Variants in TOM1 observed in about 807,000 individuals in gnomAD.
The protein encoded by TOM1 is target of Myb protein 1.
Under a neutral mutation model 61.3 loss-of-function variants are expected in TOM1, and 38 were observed. The observed-to-expected ratio is 0.62, with a 90% CI of 0.48 to 0.81. The LOEUF (loss-of-function observed/expected upper bound fraction) is 0.81, where lower values mean the gene tolerates loss of function less well. Ranked by LOEUF, TOM1 falls within the 40% of genes least tolerant of loss-of-function variation. TOM1 has a pLI of 0.00. For synonymous variants in TOM1, 270 were observed against 268.8 expected, an observed-to-expected ratio of 1.00 and a Z score of -0.04; for missense variants, 591 against 659.6, an observed-to-expected ratio of 0.90 and a Z score of 1.14.
chr22:35,305,968 G>A lies in TOM1; in HGVS notation c.52+5988G>A, dbSNP rs565249623. Among the ~76,000 whole-genome samples the A allele has an allele frequency of 2.6e-4, 39 of 152,258 alleles. No homozygotes were observed. The South Asian group carries it at 7.7e-3, about 30-fold the overall frequency. ...CCAGATAGTAAATACTTGTGGCTTC[G>A]TGAACCAGATGGTCTCTGCTGCAAC... On this transcript the variant is annotated intron_variant, in intron 1 of 14. Coordinates refer to ENST00000449058, the MANE Select transcript of TOM1 (RefSeq NM_005488.3).
rs1320870636 is a variant in TOM1 at position 35,338,727 on chromosome 22, C to A, written c.1163C>A (p.Ala388Asp). 1 of 1,592,352 alleles carries A rather than the reference C, an allele frequency of 6.3e-7. No individual in the cohort carries two copies. Residue 388 changes from alanine (A) to aspartate (D), a missense_variant, in exon 12 of 15, where the codon GCC becomes GAC. Coordinates refer to ENST00000449058, the MANE Select transcript of TOM1 (RefSeq NM_005488.3). ...CTCTCTTTCAGGGTAAAATACGAAG[C>A]CCCCCAAGCAACAGACGGCCTGGCT... ...ADQRKEVKYE[A>D]PQATDGLAGA...
At chr22:35,344,986 C>T (rs1321866013) in intron 12 of TOM1, 1 of 152,908 alleles carries the variant, frequency 6.5e-6, no homozygotes, top group Non-Finnish European at 1.5e-5. Context: ...CCAGCTCTTT[C>T]TCACTCTGAA....
chr22:35,315,451 C>G (rs571123711), intron 1 of TOM1, among the ~76,000 whole-genome samples: 1 of 152,286 alleles, frequency 6.6e-6, no homozygotes, highest in East Asian at 1.9e-4. Flanking sequence ...CTTGTTTGGC[C>G]CGCTCTGTTC....
At chr22:35,345,479 A>C in intron 12 of TOM1, 2 of 571,918 alleles carry the variant, frequency 3.5e-6, no homozygotes, top group Non-Finnish European at 3.1e-6. Context: ...TTCAAGGGGA[A>C]GGAGCTCCCT....
chr22:35,330,267 G>C (rs917090588), intron 7 of TOM1, 80 bp from the exon 8 acceptor site: 1 of 1,447,460 alleles, frequency 6.9e-7, no homozygotes, highest in Non-Finnish European at 9.3e-7. Context: ...GGGCGACAGA[G>C]CTCCGTCTCA....
intron 1 of TOM1, among the ~76,000 whole-genome samples, chr22:35,314,376 A>G (rs1490478260): frequency 6.6e-6 from 1 of 151,946 alleles, no homozygotes. Context: ...GGCTCTGCCC[A>G]CTACTGCCTG....
chr22:35,321,924 A>G (rs2145655015), intron 2 of TOM1, 35 bp from the exon 3 acceptor site: 2 of 1,581,500 alleles, frequency 1.3e-6, no homozygotes, highest in South Asian at 1.1e-5. Flanking sequence ...AGGGGGCTCT[A>G]TTCCTAAGCC....
rs550001425 is a variant in TOM1 at position 35,341,454 on chromosome 22, G to A, written c.1224+2666G>A. Among the ~76,000 whole-genome samples, 6 of 152,304 alleles carry A rather than the reference G, an allele frequency of 3.9e-5. No individual in the cohort carries two copies. The South Asian group carries it at 6.2e-4, about 16-fold the overall frequency. On this transcript the variant is annotated intron_variant, in intron 12 of 14. Transcript: ENST00000449058. ...TTAGAGCTGTGAAAAGCCCTAAGGT[G>A]CAAAGGAGAGTGAGTGGAGGTGTGT... is the stretch of plus-strand genomic sequence containing the variant.
intron 11 of TOM1, chr22:35,335,702 A>G (rs1929254185): frequency 6.5e-6 from 1 of 154,918 alleles, no homozygotes; most frequent in Non-Finnish European, 1.5e-5. Flanking sequence ...AAAAGCACAC[A>G]AGGAACTTGT....
intron 11 of TOM1, 92 bp downstream of exon 11, chr22:35,334,540 G>A: frequency 1.3e-6 from 2 of 1,501,606 alleles, no homozygotes; most frequent in Non-Finnish European, 1.8e-6. Flanking sequence ...CATGAGGAAG[G>A]GCACACGGAC....
intron 11 of TOM1, among the ~76,000 whole-genome samples, chr22:35,337,978 C>T (rs1929525029): frequency 6.6e-6 from 1 of 152,204 alleles, no homozygotes; most frequent in African/African-American, 2.4e-5. Flanking sequence ...GCCAGCTTCT[C>T]CTCTCACTCA....
intron 1 of TOM1, among the ~76,000 whole-genome samples, chr22:35,304,289 A>T (rs982161604): frequency 5.9e-5 from 9 of 152,106 alleles, no homozygotes; most frequent in Non-Finnish European, 1.2e-4. Context: ...GGACATGTAC[A>T]TGGGTCTCAC....
At chr22:35,333,342 G>A in intron 9 of TOM1, 62 bp from the exon 10 acceptor site, 2 of 1,487,564 alleles carry the variant, frequency 1.3e-6, no homozygotes, top group Non-Finnish European at 1.9e-6. Context: ...CACAGTGCTT[G>A]GGGCAGAAAG....
intron 11 of TOM1, among the ~76,000 whole-genome samples, chr22:35,337,688 G>T (rs1929493109): frequency 6.6e-6 from 1 of 152,250 alleles, no homozygotes; most frequent in Admixed American, 6.5e-5. Context: ...TGCAGTCCCA[G>T]TTCCTGAAGC....
chr22:35,346,204 G>A (rs1276287280), intron 13 of TOM1, among the ~76,000 whole-genome samples: 1 of 152,234 alleles, frequency 6.6e-6, no homozygotes, highest in East Asian at 1.9e-4. Flanking sequence ...CTAAGGGGAA[G>A]CACCCAGGAG....
intron 1 of TOM1, among the ~76,000 whole-genome samples, chr22:35,301,083 C>A (rs1925732035): frequency 6.6e-6 from 1 of 150,996 alleles, no homozygotes; most frequent in African/African-American, 2.4e-5. Flanking sequence ...AGAAATTAGC[C>A]GGGCGTGGTG....
rs780714554 is a variant in TOM1, at chr22:35,323,012, C to T, written c.217-16C>T. The T allele has an allele frequency of 4.3e-6, 7 of 1,613,542 alleles. No homozygotes were observed. Among genetic ancestry groups the T allele is most frequent in the South Asian group, 1.1e-5 (1 of 91,078 alleles). ...CCTCTGACCAAGGTGCTCGACGGCA[C>T]CTCTCGGCCCTCCAGGTCTTAGAAA... On this transcript the variant is annotated splice_polypyrimidine_tract_variant and intron_variant, in intron 3 of 14. Transcript: ENST00000449058. This position sits in a 1 kb window ranked among gnomAD's most constrained non-coding sequence, Gnocchi z 4.2.
intron 3 of TOM1, 47 bp downstream of exon 3, chr22:35,322,084 A>T: frequency 6.4e-7 from 1 of 1,568,960 alleles, no homozygotes; most frequent in East Asian, 2.2e-5. Context: ...CGGTCCACTG[A>T]AAGTCACCTC....
chr22:35,331,318 C>T (rs748813088), intron 8 of TOM1: 1 of 452,204 alleles, frequency 2.2e-6, no homozygotes, highest in South Asian at 1.6e-5. Flanking sequence ...CACTGTGTTG[C>T]CCAGGCTAGT....
Sources: gnomAD v4.1 joint callset for allele counts (sites outside exome capture counted in the v4.1 genomes callset) on GRCh38, gnomAD v4.1.1 for gene constraint, Gnocchi (gnomAD v3.1) non-coding constraint, MANE v1.5 for transcripts, NCBI Gene and HGNC (gene_info 2026-07-23, HGNC 2026-07-21) for gene names.